The following GULP1 variants were observed in gnomAD, a reference collection of about 807,000 sequenced individuals.
The protein encoded by GULP1 is GULP PTB domain containing engulfment adaptor 1.
Under a neutral mutation model 40.9 loss-of-function variants are expected in GULP1, and 19 were observed. The ratio of observed to expected loss-of-function variants is 0.46; its 90% CI spans 0.32 to 0.68. The LOEUF (loss-of-function observed/expected upper bound fraction) is 0.68, where lower values mean the gene tolerates loss of function less well. Among genes scored for constraint, GULP1 ranks in the 30% least tolerant of loss-of-function variants. The pLI is 0.03. For missense variants in GULP1, 312 were observed against 362.2 expected, an observed-to-expected ratio of 0.86 and a Z score of 1.12; for synonymous variants, 119 against 117.6, an observed-to-expected ratio of 1.01 and a Z score of -0.08.
rs541498980 is a variant in GULP1, at chr2:188,456,309, GCCGGAAGGCCTA to G, written c.-44-21349_-44-21338del. On this transcript the variant is annotated intron_variant, in intron 2 of 11. Coordinates refer to ENST00000409830, the MANE Select transcript of GULP1 (RefSeq NM_016315.4). ...TTTGCAACAGCCTCTCCCATCACGT[GCCGGAAGGCCTA>G]GGAAGAAAAATCGGTTTTCTGGGCT... Among the ~76,000 whole-genome samples, 11 of 152,302 alleles carry G rather than the reference GCCGGAAGGCCTA, an allele frequency of 7.2e-5. No homozygotes were observed. In the South Asian group the frequency reaches 2.3e-3, roughly 32 times the overall value.
intron 7 of GULP1, among the ~76,000 whole-genome samples, chr2:188,558,891 A>G (rs1302069741): frequency 2.0e-5 from 3 of 152,200 alleles, no homozygotes; most frequent in Admixed American, 6.5e-5. Context: ...AGAAATTTCT[A>G]AGCACCAAAG....
rs990866910 is a variant in GULP1, at chr2:188,497,069, A to G, written c.90+13577A>G. The stretch of plus-strand genomic sequence containing the variant: ...GTTACCCATTCTCAGGTATTTCTTT[A>G]TAGCAGTGCGAGAACAGACTAACAG... On this transcript the variant is annotated intron_variant, in intron 4 of 11. Coordinates refer to ENST00000409830, the MANE Select transcript of GULP1 (RefSeq NM_016315.4). Among the ~76,000 whole-genome samples the G allele has an allele frequency of 4.6e-5, 7 of 151,996 alleles. No individual in the cohort carries two copies. The South Asian group carries it at 1.0e-3, about 22-fold the overall frequency.
chr2:188,375,868 A>G (rs2048228146), intron 1 of GULP1, among the ~76,000 whole-genome samples: 1 of 152,124 alleles, frequency 6.6e-6, no homozygotes, highest in African/African-American at 2.4e-5. Flanking sequence ...TTTTACAGAT[A>G]TGTTCACTCC....
At chr2:188,467,109 A>G (rs948089324) in intron 2 of GULP1, among the ~76,000 whole-genome samples, 1 of 152,100 alleles carries the variant, frequency 6.6e-6, no homozygotes, top group Non-Finnish European at 1.5e-5. Flanking sequence ...GACATGACAC[A>G]GTTGAAAAAA....
chr2:188,339,461 T>C (rs539163649), intron 1 of GULP1, among the ~76,000 whole-genome samples: 3 of 152,332 alleles, frequency 2.0e-5, no homozygotes, highest in African/African-American at 7.2e-5. Context: ...AACATCTTTT[T>C]GGCTGTCTTG....
chr2:188,578,946 C>A (rs565648567), intron 9 of GULP1, among the ~76,000 whole-genome samples: 148 of 152,242 alleles, frequency 9.7e-4, no homozygotes, highest in African/African-American at 3.5e-3. Context: ...GGTTCCAGAA[C>A]CTTGAAACCT....
chr2:188,443,534 A>G (rs748985657), intron 2 of GULP1, among the ~76,000 whole-genome samples: 18 of 152,224 alleles, frequency 1.2e-4, no homozygotes, highest in Non-Finnish European at 2.1e-4. Context: ...AAGCAAATAT[A>G]AAGTTAAAAT....
At chr2:188,446,481 G>A (rs191471547) in intron 2 of GULP1, among the ~76,000 whole-genome samples, 1 of 152,242 alleles carries the variant, frequency 6.6e-6, no homozygotes, top group East Asian at 1.9e-4. Flanking sequence ...CTCTTAGGTG[G>A]CGGCATAAAA....
chr2:188,362,639 C>A (rs1350057764), intron 1 of GULP1, among the ~76,000 whole-genome samples: 1 of 151,956 alleles, frequency 6.6e-6, no homozygotes, highest in African/African-American at 2.4e-5. Flanking sequence ...TACAAGTAAC[C>A]CCAGGTTTTT....
chr2:188,574,065 T>C (rs2153440910), intron 9 of GULP1, among the ~76,000 whole-genome samples: 1 of 152,302 alleles, frequency 6.6e-6, no homozygotes, highest in Admixed American at 6.5e-5. Context: ...TTCTAAAATA[T>C]CTGGATATGC....
intron 1 of GULP1, among the ~76,000 whole-genome samples, chr2:188,349,313 G>C (rs2044130814): frequency 1.3e-5 from 2 of 152,106 alleles, no homozygotes; most frequent in African/African-American, 4.8e-5. Flanking sequence ...TATTTTGAGG[G>C]CCTGTCAAAC....
chr2:188,401,748 A>C (rs2052326795), intron 2 of GULP1, among the ~76,000 whole-genome samples: 1 of 152,182 alleles, frequency 6.6e-6, no homozygotes, highest in Admixed American at 6.5e-5. Flanking sequence ...AAAGTAGAAA[A>C]TAACTTTAGC....
chr2:188,312,302 C>T (rs2038302141), intron 1 of GULP1, among the ~76,000 whole-genome samples: 2 of 152,078 alleles, frequency 1.3e-5, no homozygotes. Flanking sequence ...TAAGTTCCCT[C>T]CCCTCATCCC....
In GULP1 at chr2:188,292,147, C is replaced by T. The variant is rs565211659; in HGVS notation, c.-191C>T. On this transcript the variant is annotated 5_prime_UTR_variant, in exon 1 of 12. Coordinates refer to ENST00000409830, the MANE Select transcript of GULP1 (RefSeq NM_016315.4). This position sits in a 1 kb window ranked among gnomAD's most constrained non-coding sequence, Gnocchi z 4.0. ...CCACGCCCCTGCCCGAAGCCTGACCCGACTGCCTCTCTCAGTGAGGTACGG... is the reference window on the plus strand; with the variant it reads ...CCACGCCCCTGCCCGAAGCCTGACCTGACTGCCTCTCTCAGTGAGGTACGG... The T allele has an allele frequency of 1.3e-5, 2 of 152,312 alleles. No individual in the cohort carries two copies. Among genetic ancestry groups the T allele is most frequent in the African/African-American group, 4.8e-5 (2 of 41,468 alleles). The allele number at this position is 152,312 out of a possible 1,614,324, so 9.4% of individuals were successfully genotyped here. A position where few individuals can be genotyped will look rare whatever the true frequency, so the allele number is the denominator to read the frequency against.
chr2:188,582,587 TC>T (rs1701546247), intron 9 of GULP1: 1 of 453,770 alleles, frequency 2.2e-6, no homozygotes, highest in Non-Finnish European at 4.6e-6. Flanking sequence ...AGCAGATAAT[TC>T]TTTTTTATTA....
In GULP1 at chr2:188,329,501, G is replaced by A. The variant is rs2041254546; in HGVS notation, c.-172+37335G>A. Among the ~76,000 whole-genome samples, 4 of 152,062 alleles carry A rather than the reference G, an allele frequency of 2.6e-5. No homozygotes were observed. In the South Asian group the frequency reaches 8.3e-4, roughly 31 times the overall value. On this transcript the variant is annotated intron_variant, in intron 1 of 11. Transcript: ENST00000409830. ...CAGTAGCTTTATTCTTGGAATGTTG[G>A]ATTGACAATGAAGTGGACTGGGTGG...
intron 2 of GULP1, among the ~76,000 whole-genome samples, chr2:188,402,294 T>C (rs1478279957): frequency 1.3e-5 from 2 of 152,136 alleles, no homozygotes; most frequent in African/African-American, 2.4e-5. Flanking sequence ...ATTGCTTAGG[T>C]ATTATTATTT....
chr2:188,417,367 C>T (rs1017074180), intron 2 of GULP1, among the ~76,000 whole-genome samples: 9 of 152,244 alleles, frequency 5.9e-5, no homozygotes, highest in African/African-American at 2.2e-4. Flanking sequence ...ACTTCCTGTG[C>T]AGAAGTTGTC....
At chr2:188,570,484 C>T (rs965981588) in intron 9 of GULP1, among the ~76,000 whole-genome samples, 42 of 152,150 alleles carry the variant, frequency 2.8e-4, no homozygotes, top group Non-Finnish European at 5.3e-4. Context: ...CCTTGAAGTG[C>T]TCAACTTCAT....
Sources: gnomAD v4.1 joint callset for allele counts (sites outside exome capture counted in the v4.1 genomes callset) on GRCh38, gnomAD v4.1.1 for gene constraint, Gnocchi (gnomAD v3.1) non-coding constraint, MANE v1.5 for transcripts, NCBI Gene and HGNC (gene_info 2026-07-23, HGNC 2026-07-21) for gene names.